Variants in CDH11 observed in about 807,000 individuals in gnomAD.
CDH11 encodes cadherin-11.
In CDH11, 11 loss-of-function variants were observed where a neutral mutation model predicts 67.8. That is an observed-to-expected ratio of 0.16 (90% confidence interval 0.10 to 0.27). The LOEUF is 0.27. Ranked by LOEUF, CDH11 falls within the 10% of genes least tolerant of loss-of-function variation. CDH11 has a pLI of 1.00. For missense variants in CDH11, 847 were observed against 1,031.2 expected, an observed-to-expected ratio of 0.82 and a Z score of 2.45; for synonymous variants, 419 against 400.0, an observed-to-expected ratio of 1.05 and a Z score of -0.57.
At chr16:65,020,108 G>C (rs995821403) in intron 2 of CDH11, among the ~76,000 whole-genome samples, 1 of 152,190 alleles carries the variant, frequency 6.6e-6, no homozygotes, top group Non-Finnish European at 1.5e-5. Context: ...TCAGATAGAA[G>C]TACAAATAAG....
At chr16:64,972,159 A>G in intron 9 of CDH11, 95 bp from the exon 10 acceptor site, 1 of 1,084,566 alleles carries the variant, frequency 9.2e-7, no homozygotes, top group South Asian at 1.4e-5. Context: ...CCAGCCACCT[A>G]TCTGGGCAGT....
Position 64,982,154 on chromosome 16 carries a change from A to G in CDH11, c.1147T>C (p.Phe383Leu). The G allele has an allele frequency of 6.2e-7, 1 of 1,614,072 alleles. No individual in the cohort carries two copies. Among genetic ancestry groups the G allele is most frequent in the African/African-American group, 1.3e-5 (1 of 75,024 alleles). The change falls in exon 8 of 13, where the codon TTC becomes CTC. Residue 383 changes from phenylalanine (F) to leucine (L), a missense_variant. Physicochemically the swap from Phe to Leu is conservative, Grantham distance 22. Transcript: ENST00000268603. ...SVEDADEPPM[F>L]LAPSYIHEVQ... The stretch of plus-strand genomic sequence containing the variant: ...TCGTGGATGTAACTTGGGGCCAAGA[A>G]CATAGGGGGCTCATCAGCATCTTCT...
intron 11 of CDH11, among the ~76,000 whole-genome samples, chr16:64,959,567 A>C (rs1283629429): frequency 1.3e-5 from 2 of 152,106 alleles, no homozygotes; most frequent in African/African-American, 4.8e-5. Context: ...GATTGAGGAG[A>C]GAGCGGGTTC....
intron 1 of CDH11, among the ~76,000 whole-genome samples, chr16:65,102,095 T>G (rs956714466): frequency 6.6e-6 from 1 of 152,200 alleles, no homozygotes; most frequent in Non-Finnish European, 1.5e-5. Context: ...AGATTCTTTG[T>G]TTTGCCCAAT....
chr16:65,118,067 G>C (rs949022232), intron 1 of CDH11, among the ~76,000 whole-genome samples: 5 of 152,184 alleles, frequency 3.3e-5, no homozygotes, highest in Non-Finnish European at 5.9e-5. Flanking sequence ...TCTCTCCTGA[G>C]AGGGCCAGAC....
intron 1 of CDH11, among the ~76,000 whole-genome samples, 170 bp from the exon 2 acceptor site, chr16:65,054,098 A>G (rs1443121534): frequency 6.6e-6 from 1 of 152,188 alleles, no homozygotes; most frequent in Admixed American, 6.5e-5. Context: ...AGTGGGAAAA[A>G]CTTGTCATGG....
chr16:65,062,654 C>T (rs7206144), intron 1 of CDH11, among the ~76,000 whole-genome samples: 138,386 of 152,264 alleles, frequency 0.91, 62,953 homozygotes, highest in East Asian at 1. Context: ...ACTCTGAAGA[C>T]ACAAGCTGTA....
chr16:65,120,623 G>C (rs1455814484), intron 1 of CDH11, among the ~76,000 whole-genome samples: 1 of 152,168 alleles, frequency 6.6e-6, no homozygotes, highest in Non-Finnish European at 1.5e-5. Flanking sequence ...ATAACCCGTC[G>C]TCAGGCAGGG....
chr16:65,081,207 A>C (rs72792914), intron 1 of CDH11, among the ~76,000 whole-genome samples: 2,489 of 152,332 alleles, frequency 0.016, 34 homozygotes, highest in Non-Finnish European at 0.027. Flanking sequence ...GAAATAGATA[A>C]ACATATTCCA....
At chr16:65,109,313 C>A (rs545378442) in intron 1 of CDH11, among the ~76,000 whole-genome samples, 2 of 152,252 alleles carry the variant, frequency 1.3e-5, no homozygotes, top group Admixed American at 6.5e-5. Flanking sequence ...GCTCTGAGAC[C>A]TTGGGCTTCC....
At chr16:65,087,864 G>A (rs1597178237) in intron 1 of CDH11, among the ~76,000 whole-genome samples, 1 of 152,022 alleles carries the variant, frequency 6.6e-6, no homozygotes, top group South Asian at 2.1e-4. Flanking sequence ...GACCTTTATT[G>A]TTGTCTTTTT....
chr16:65,008,024 C>G (rs1388000235), intron 2 of CDH11, among the ~76,000 whole-genome samples: 2 of 152,164 alleles, frequency 1.3e-5, no homozygotes, highest in Non-Finnish European at 2.9e-5. Context: ...GTATTAAATG[C>G]TCATTCACAG....
chr16:65,009,906 G>C (rs1014561244), intron 2 of CDH11, among the ~76,000 whole-genome samples: 2 of 152,166 alleles, frequency 1.3e-5, no homozygotes, highest in African/African-American at 4.8e-5. Context: ...CCCGTCAGAA[G>C]CCACCGTGCC....
chr16:64,984,535 C>G (rs1172594960), intron 7 of CDH11, among the ~76,000 whole-genome samples: 1 of 152,168 alleles, frequency 6.6e-6, no homozygotes, highest in East Asian at 1.9e-4. Context: ...CCATAAAATT[C>G]TTAATACCCC....
At chr16:64,972,209 C>G in intron 9 of CDH11, 145 bp from the exon 10 acceptor site, 2 of 663,068 alleles carry the variant, frequency 3.0e-6, no homozygotes, top group Non-Finnish European at 5.3e-6. Context: ...GATTTAAGAG[C>G]TGAAGGGTGC....
chr16:65,045,351 A>ATATATATC (rs538068384), intron 2 of CDH11, among the ~76,000 whole-genome samples: 4,661 of 119,574 alleles, frequency 0.039, 330 homozygotes, highest in Non-Finnish European at 0.06. Context: ...ATATATATAT[A>ATATATATC]TATATATATA....
intron 11 of CDH11, among the ~76,000 whole-genome samples, chr16:64,952,560 A>G (rs1198387580): frequency 6.6e-6 from 1 of 152,182 alleles, no homozygotes; most frequent in Non-Finnish European, 1.5e-5. Flanking sequence ...AGCCTCAACT[A>G]ATTTTCTAAG....
intron 1 of CDH11, among the ~76,000 whole-genome samples, chr16:65,076,699 C>T (rs575861767): frequency 4.8e-5 from 6 of 125,888 alleles, no homozygotes; most frequent in Non-Finnish European, 9.9e-5. Flanking sequence ...CCCCGACAAG[C>T]CCCAGTGTGT....
At chr16:65,106,518 T>C (rs1597203137) in intron 1 of CDH11, among the ~76,000 whole-genome samples, 1 of 152,342 alleles carries the variant, frequency 6.6e-6, no homozygotes, top group Admixed American at 6.5e-5. Context: ...TTATCTCTTA[T>C]AAATCTTGTT....
Sources: allele counts gnomAD v4.1 joint callset (sites outside exome capture counted in the v4.1 genomes callset), GRCh38; gene constraint gnomAD v4.1.1; transcripts MANE v1.5; gene names NCBI Gene and HGNC (gene_info 2026-07-23, HGNC 2026-07-21).